TJP1: variants seen among roughly 807,000 people sequenced by gnomAD.
The protein encoded by TJP1 is tight junction protein 1.
Under a neutral mutation model 194.2 loss-of-function variants are expected in TJP1, and 43 were observed. That is an observed-to-expected ratio of 0.22 (90% confidence interval 0.17 to 0.29). The LOEUF is 0.29. TJP1 is among the 10% of genes least tolerant of loss of function. The pLI is 1.00. For missense variants in TJP1, 1,971 were observed against 2,185.7 expected (o/e 0.90, Z 1.96); for synonymous variants, 801 against 779.0 (o/e 1.03, Z -0.47).
chr15:29,741,093 T>G, intron 10 of TJP1: 1 of 293,166 alleles, frequency 3.4e-6, no homozygotes. Flanking sequence ...ATTCCTAATT[T>G]AAAAGCTAGG....
intron 15 of TJP1, among the ~76,000 whole-genome samples, chr15:29,729,865 T>C (rs17750790): frequency 0.041 from 6,146 of 150,290 alleles, 322 homozygotes; most frequent in East Asian, 0.19. Flanking sequence ...ATAGTGCCAG[T>C]GGGAACAAAA....
At chr15:29,902,735 TA>T (rs1048945412) in intron 2 of TJP1, among the ~76,000 whole-genome samples, 3 of 152,046 alleles carry the variant, frequency 2.0e-5, no homozygotes, top group Non-Finnish European at 2.9e-5. Context: ...TATTCACCTC[TA>T]AAGAAAAAAA....
intron 2 of TJP1, among the ~76,000 whole-genome samples, chr15:29,912,263 C>T (rs894597779): frequency 6.6e-6 from 1 of 152,162 alleles, no homozygotes; most frequent in African/African-American, 2.4e-5. Flanking sequence ...TACCATGGCA[C>T]CGGGGAGTTA....
At chr15:29,889,157 T>C (rs1315462775) in intron 2 of TJP1, among the ~76,000 whole-genome samples, 1 of 152,238 alleles carries the variant, frequency 6.6e-6, no homozygotes, top group African/African-American at 2.4e-5. Context: ...TGACTGATTG[T>C]CATTTCAAGT....
intron 18 of TJP1, among the ~76,000 whole-genome samples, chr15:29,723,609 A>G (rs942749166): frequency 6.6e-6 from 1 of 152,224 alleles, no homozygotes; most frequent in Non-Finnish European, 1.5e-5. Flanking sequence ...TGGCCCTTAA[A>G]GCTGTTATGA....
At chr15:29,792,958 T>A (rs76657862) in intron 2 of TJP1, among the ~76,000 whole-genome samples, 1 of 152,220 alleles carries the variant, frequency 6.6e-6, no homozygotes, top group South Asian at 2.1e-4. Context: ...TTTTATATGC[T>A]GACTTTGCAT....
At chr15:29,780,713 C>T (rs765627605) in intron 2 of TJP1, among the ~76,000 whole-genome samples, 6 of 151,938 alleles carry the variant, frequency 3.9e-5, no homozygotes, top group African/African-American at 1.4e-4. Flanking sequence ...CAAGAAGATA[C>T]AAGACATGAA....
intron 4 of TJP1, among the ~76,000 whole-genome samples, chr15:29,768,166 G>A (rs907353309): frequency 6.6e-6 from 1 of 152,162 alleles, no homozygotes; most frequent in African/African-American, 2.4e-5. Context: ...ATCAGGATGA[G>A]GGCCTGAGCA....
At chr15:29,918,000 C>T (rs960867075) in intron 2 of TJP1, among the ~76,000 whole-genome samples, 3 of 152,154 alleles carry the variant, frequency 2.0e-5, no homozygotes, top group Admixed American at 6.5e-5. Context: ...CTCCCTCTTT[C>T]CCCCAAACCC....
chr15:29,946,701 G>A (rs2055295640), intron 2 of TJP1, among the ~76,000 whole-genome samples: 2 of 152,172 alleles, frequency 1.3e-5, no homozygotes, highest in East Asian at 1.9e-4. Context: ...TGCCAGCAAG[G>A]CCATTTATTC....
At chr15:29,797,185 G>GT (rs2048469137) in intron 2 of TJP1, among the ~76,000 whole-genome samples, 1 of 152,126 alleles carries the variant, frequency 6.6e-6, no homozygotes, top group African/African-American at 2.4e-5. Flanking sequence ...GTCTTACTCT[G>GT]TCTCCCATGC....
At chr15:29,791,663 G>C (rs966699548) in intron 2 of TJP1, among the ~76,000 whole-genome samples, 1 of 151,954 alleles carries the variant, frequency 6.6e-6, no homozygotes, top group Non-Finnish European at 1.5e-5. Flanking sequence ...AAAGTGCTGG[G>C]ATTACAGGCG....
intron 2 of TJP1, among the ~76,000 whole-genome samples, chr15:29,785,961 A>T (rs895477982): frequency 3.3e-5 from 5 of 152,210 alleles, no homozygotes; most frequent in African/African-American, 1.2e-4. Context: ...TCTGAATAAG[A>T]GAGATTTTAA....
At position 29,734,389 on chromosome 15, in the gene TJP1, A is replaced by C; in HGVS notation, c.1408-7T>G. The C allele has an allele frequency of 6.3e-7, 1 of 1,586,514 alleles. No homozygotes were observed. Among genetic ancestry groups the C allele is most frequent in the South Asian group, 1.1e-5 (1 of 88,880 alleles). On this transcript the variant is annotated splice_region_variant and splice_polypyrimidine_tract_variant and intron_variant, in intron 11 of 27. Transcript: ENST00000614355. The stretch of plus-strand genomic sequence containing the variant: ...TAAAATCTACGTTGTTTACCTAATA[A>C]ATAAGATTTCATAAATCATTCTTGG...
intron 2 of TJP1, among the ~76,000 whole-genome samples, chr15:29,840,152 A>G (rs1338586826): frequency 1.3e-5 from 2 of 152,144 alleles, no homozygotes; most frequent in African/African-American, 4.8e-5. Context: ...ACTTTGTTGA[A>G]TATGCGATTT....
Position 29,700,820 on chromosome 15 carries a change from T to C in TJP1, c.*775A>G. 5.8e-6 allele frequency: 1 copy of C among 173,372 alleles called. No homozygotes were observed. The highest frequency in any genetic ancestry group is 1.2e-5 in the Non-Finnish European group (1 of 82,656). 10.7% of individuals were successfully genotyped at this position (173,372 alleles called of 1,614,324 possible). A position where few individuals can be genotyped will look rare whatever the true frequency, so the allele number is the denominator to read the frequency against. On this transcript the variant is annotated 3_prime_UTR_variant, in exon 28 of 28. Coordinates refer to ENST00000614355, the MANE Select transcript of TJP1 (RefSeq NM_001330239.4). ...ATAACACATTTCTGAAACCACCAAA[T>C]GCACAACGTACTCAGTCTTTGTCAT...
chr15:29,857,269 T>C (rs981529308), intron 2 of TJP1, among the ~76,000 whole-genome samples: 1 of 151,628 alleles, frequency 6.6e-6, no homozygotes, highest in Non-Finnish European at 1.5e-5. Flanking sequence ...TTCCAGAAGA[T>C]GAGAGACTTC....
At chr15:29,770,767 T>C (rs1312100696) in intron 4 of TJP1, among the ~76,000 whole-genome samples, 5 of 151,578 alleles carry the variant, frequency 3.3e-5, no homozygotes, top group African/African-American at 1.2e-4. Flanking sequence ...ATTACGAGAG[T>C]CAAAAAGTTA....
chr15:29,709,121 A>T (rs879658361), intron 24 of TJP1, 85 bp from the exon 25 acceptor site: 11 of 1,331,558 alleles, frequency 8.3e-6, no homozygotes, highest in Non-Finnish European at 1.1e-5. Flanking sequence ...CTGGTGCTGG[A>T]GTCGAGGCCC....
Sources: gnomAD v4.1 joint callset for allele counts (sites outside exome capture counted in the v4.1 genomes callset) on GRCh38, gnomAD v4.1.1 for gene constraint, MANE v1.5 for transcripts, NCBI Gene and HGNC (gene_info 2026-07-23, HGNC 2026-07-21) for gene names.